The following RBFOX1 variants were observed in gnomAD, a reference collection of about 807,000 sequenced individuals.
The protein encoded by RBFOX1 is RNA binding protein fox-1 homolog 1.
Under a neutral mutation model 57.7 loss-of-function variants are expected in RBFOX1, and 8 were observed. The observed-to-expected ratio is 0.14, with a 90% CI of 0.08 to 0.25. The LOEUF (loss-of-function observed/expected upper bound fraction) is 0.25. RBFOX1 is among the 10% of genes least tolerant of loss of function. The pLI, the probability that RBFOX1 is intolerant of heterozygous loss-of-function variation, is 1.00. For missense variants in RBFOX1, 611 were observed against 548.5 expected, an observed-to-expected ratio of 1.11 and a Z score of -1.14; for synonymous variants, 326 against 222.4, an observed-to-expected ratio of 1.47 and a Z score of -4.15.
chr16:7,474,648 G>C (rs1297443017), intron 4 of RBFOX1, among the ~76,000 whole-genome samples: 1 of 152,200 alleles, frequency 6.6e-6, no homozygotes, highest in East Asian at 1.9e-4. Context: ...AGTCGGACTG[G>C]CTTTCATCCC....
chr16:7,360,552 G>A (rs893368222), intron 4 of RBFOX1, among the ~76,000 whole-genome samples: 2 of 152,140 alleles, frequency 1.3e-5, no homozygotes, highest in African/African-American at 4.8e-5. Flanking sequence ...GTGGCCTGAG[G>A]ACCAAGCCTG....
intron 4 of RBFOX1, among the ~76,000 whole-genome samples, chr16:7,252,333 CAA>C (rs1222832857): frequency 2.0e-5 from 3 of 152,168 alleles, no homozygotes; most frequent in Non-Finnish European, 2.9e-5. Context: ...AAGTGGAAAA[CAA>C]ATTACATTCA....
chr16:6,832,808 G>T (rs966058876), intron 3 of RBFOX1, among the ~76,000 whole-genome samples: 5 of 152,196 alleles, frequency 3.3e-5, no homozygotes, highest in African/African-American at 1.2e-4. Flanking sequence ...CCCAGCTACT[G>T]TTTTCATTCA....
chr16:7,596,683 C>T (rs1231754399), intron 8 of RBFOX1, among the ~76,000 whole-genome samples: 1 of 152,020 alleles, frequency 6.6e-6, no homozygotes, highest in East Asian at 1.9e-4. Flanking sequence ...ATTGAGTGTA[C>T]GTTCTAAGCT....
At chr16:7,337,705 G>C (rs1161265099) in intron 4 of RBFOX1, among the ~76,000 whole-genome samples, 2 of 152,146 alleles carry the variant, frequency 1.3e-5, no homozygotes, top group Admixed American at 6.5e-5. Context: ...CTTGTTTTGA[G>C]ATGGAGTCTC....
At chr16:7,560,238 A>G (rs117040788) in intron 5 of RBFOX1, among the ~76,000 whole-genome samples, 1 of 152,164 alleles carries the variant, frequency 6.6e-6, no homozygotes, top group East Asian at 1.9e-4. Context: ...GCTGTCAAGA[A>G]CCCCCTATGG....
chr16:6,263,021 A>G (rs1390812911), intron 1 of RBFOX1, among the ~76,000 whole-genome samples: 1 of 152,164 alleles, frequency 6.6e-6, no homozygotes, highest in African/African-American at 2.4e-5. Context: ...GAAGGATGAG[A>G]TTAAAGTCAC....
intron 3 of RBFOX1, among the ~76,000 whole-genome samples, chr16:6,904,258 G>T (rs192357834): frequency 6.7e-6 from 1 of 148,264 alleles, no homozygotes; most frequent in Non-Finnish European, 1.5e-5. Context: ...AGGGACTTCT[G>T]TTGTTGAACC....
At chr16:7,374,523 TA>T in intron 4 of RBFOX1, among the ~76,000 whole-genome samples, 1 of 152,328 alleles carries the variant, frequency 6.6e-6, no homozygotes, top group Admixed American at 6.5e-5. Context: ...TAATGCTTTT[TA>T]CTCAAGGAAT....
chr16:5,500,914 C>T (rs775503151), intron 2 of RBFOX1, among the ~76,000 whole-genome samples: 1 of 152,140 alleles, frequency 6.6e-6, no homozygotes, highest in Non-Finnish European at 1.5e-5. Context: ...CATGTAAGGA[C>T]AAGGAATTAT....
At chr16:5,241,112 A>G (rs538890488) in intron 1 of RBFOX1, among the ~76,000 whole-genome samples, 85 of 152,298 alleles carry the variant, frequency 5.6e-4, no homozygotes, top group African/African-American at 1.9e-3. Flanking sequence ...TTCTGAACCC[A>G]TTTGGGCAGC....
chr16:6,103,605 A>G (rs1352904719), intron 1 of RBFOX1, among the ~76,000 whole-genome samples: 1 of 151,984 alleles, frequency 6.6e-6, no homozygotes, highest in East Asian at 1.9e-4. Flanking sequence ...CCATCTTGTG[A>G]CTCTGCTGTT....
intron 3 of RBFOX1, among the ~76,000 whole-genome samples, chr16:6,973,707 G>A (rs2086119337): frequency 6.6e-6 from 1 of 152,158 alleles, no homozygotes; most frequent in African/African-American, 2.4e-5. Context: ...GTTGAATCAT[G>A]TTTGTGATAC....
rs547414191 is a variant in RBFOX1 at position 7,296,936 on chromosome 16, A to G, written c.28-221211A>G. 3.9e-5 allele frequency among the ~76,000 whole-genome samples: 6 copies of G among 152,284 alleles called. No individual in the cohort carries two copies. In the East Asian group the frequency reaches 1.2e-3, roughly 29 times the overall value. On this transcript the variant is annotated intron_variant, in intron 4 of 15. Transcript: ENST00000550418. ...TTACCCTCAAAAATGTGAGCAGTAT[A>G]GGTATGTGTAAAGGTAAATGCAGAC...
intron 4 of RBFOX1, among the ~76,000 whole-genome samples, chr16:7,289,541 G>C (rs886232780): frequency 2.0e-5 from 3 of 151,646 alleles, no homozygotes; most frequent in African/African-American, 4.9e-5. Context: ...ATCACCATCA[G>C]CATCAATATG....
intron 2 of RBFOX1, among the ~76,000 whole-genome samples, chr16:6,502,027 GGGGGTCATGA>G (rs1567465295): frequency 1.3e-5 from 2 of 152,158 alleles, no homozygotes; most frequent in East Asian, 3.9e-4. Context: ...GCCTGCTTAG[GGGGGTCATGA>G]GGGTATAACC....
intron 12 of RBFOX1, among the ~76,000 whole-genome samples, chr16:7,657,895 C>G (rs1490226282): frequency 2.0e-5 from 3 of 152,160 alleles, no homozygotes; most frequent in African/African-American, 4.8e-5. Context: ...AAAGTAATGT[C>G]TACATAGCCT....
At chr16:7,274,241 G>C (rs1427594537) in intron 4 of RBFOX1, among the ~76,000 whole-genome samples, 1 of 152,146 alleles carries the variant, frequency 6.6e-6, no homozygotes, top group African/African-American at 2.4e-5. Flanking sequence ...ACTATGTTCC[G>C]AGTAATGTTA....
intron 2 of RBFOX1, among the ~76,000 whole-genome samples, chr16:6,539,581 T>A (rs750121303): frequency 6.6e-5 from 10 of 152,036 alleles, no homozygotes; most frequent in Admixed American, 2.0e-4. Flanking sequence ...GCAGATCACC[T>A]AAGGTCGGGA....
Sources: allele counts gnomAD v4.1 joint callset (sites outside exome capture counted in the v4.1 genomes callset), GRCh38; gene constraint gnomAD v4.1.1; transcripts MANE v1.5; gene names NCBI Gene and HGNC (gene_info 2026-07-23, HGNC 2026-07-21).